Variants in PLA2G4A observed in about 807,000 individuals in gnomAD.
PLA2G4A encodes the protein phospholipase A2 group IVA.
PLA2G4A carries 40 observed loss-of-function variants against 81.9 expected under a neutral mutation model. The ratio of observed to expected loss-of-function variants is 0.49; its 90% CI spans 0.38 to 0.64. PLA2G4A has a LOEUF of 0.64. PLA2G4A is among the 30% of genes least tolerant of loss of function. The pLI is 0.00. For synonymous variants in PLA2G4A, 302 were observed against 296.9 expected (o/e 1.02, Z -0.18); for missense variants, 715 against 905.1 (o/e 0.79, Z 2.69).
Position 186,864,624 on chromosome 1 carries a change from T to C in PLA2G4A, c.34-5811T>C, listed in dbSNP as rs554180902. 8.1e-5 allele frequency among the ~76,000 whole-genome samples: 12 copies of C among 149,066 alleles called. No individual in the cohort carries two copies. In the South Asian group the frequency reaches 2.6e-3, roughly 33 times the overall value. On this transcript the variant is annotated intron_variant, in intron 2 of 17. Transcript: ENST00000367466. The stretch of plus-strand genomic sequence containing the variant: ...CTTTTGAGAAATGTCTATTTAAGTC[T>C]TTTACTTGTTTTAAAAATCAGATTA...
intron 3 of PLA2G4A, among the ~76,000 whole-genome samples, chr1:186,875,480 A>T (rs1024572551): frequency 6.6e-6 from 1 of 152,116 alleles, no homozygotes; most frequent in Admixed American, 6.6e-5. Flanking sequence ...GCCATGAGAA[A>T]ACAAGAACAT....
At chr1:186,923,622 C>A (rs1304210068) in intron 7 of PLA2G4A, among the ~76,000 whole-genome samples, 2 of 152,140 alleles carry the variant, frequency 1.3e-5, no homozygotes, top group African/African-American at 2.4e-5. Flanking sequence ...CTGAGGGATG[C>A]AAGTGATTGC....
rs536333697 is a variant in PLA2G4A, at chr1:186,967,461, A to G, written c.1764+1868A>G. On this transcript the variant is annotated intron_variant, in intron 15 of 17. Coordinates refer to ENST00000367466, the MANE Select transcript of PLA2G4A (RefSeq NM_024420.3). Reference sequence around the variant, plus strand: ...GCCTTCTTTGTGCACACTGTTCATGAACTCTTTTCTGTGTAGTGTGCTGTG... The same window carrying G: ...GCCTTCTTTGTGCACACTGTTCATGGACTCTTTTCTGTGTAGTGTGCTGTG... 1.2e-3 allele frequency among the ~76,000 whole-genome samples: 169 copies of G among 136,722 alleles called. 2 individuals are homozygous for G. The highest frequency in any genetic ancestry group is 2.1e-3 in the Non-Finnish European group (125 of 58,402). 89.7% of individuals were successfully genotyped at this position (136,722 alleles called of 152,430 possible).
chr1:186,886,307 A>G (rs1176396701), intron 3 of PLA2G4A, among the ~76,000 whole-genome samples: 1 of 152,190 alleles, frequency 6.6e-6, no homozygotes, highest in African/African-American at 2.4e-5. Context: ...TGATTAATGC[A>G]AAGTTTATAC....
chr1:186,944,847 T>C (rs555300169), intron 10 of PLA2G4A, among the ~76,000 whole-genome samples: 4 of 152,262 alleles, frequency 2.6e-5, no homozygotes, highest in Non-Finnish European at 1.5e-5. Context: ...CAATAGGATA[T>C]ATAAATATCC....
intron 3 of PLA2G4A, among the ~76,000 whole-genome samples, chr1:186,870,934 T>G (rs1653243721): frequency 6.6e-6 from 1 of 152,298 alleles, no homozygotes; most frequent in South Asian, 2.1e-4. Flanking sequence ...ACCTGGGCCT[T>G]AAATTAGCCG....
At chr1:186,855,702 T>C (rs1438817738) in intron 2 of PLA2G4A, among the ~76,000 whole-genome samples, 1 of 152,064 alleles carries the variant, frequency 6.6e-6, no homozygotes, top group Non-Finnish European at 1.5e-5. Context: ...CACTTTTACA[T>C]TGCCTTGTGG....
intron 3 of PLA2G4A, among the ~76,000 whole-genome samples, chr1:186,874,493 T>C (rs564860293): frequency 1.4e-3 from 209 of 152,220 alleles, no homozygotes; most frequent in Non-Finnish European, 2.2e-3. Flanking sequence ...AATGCCATAG[T>C]GTTTTTTAAG....
intron 2 of PLA2G4A, among the ~76,000 whole-genome samples, chr1:186,869,657 A>G (rs1216419808): frequency 6.6e-6 from 1 of 152,204 alleles, no homozygotes; most frequent in African/African-American, 2.4e-5. Context: ...TCAACCAGTT[A>G]AGCAAGCCTA....
chr1:186,932,202 T>C (rs1171342640), intron 7 of PLA2G4A, among the ~76,000 whole-genome samples: 1 of 152,174 alleles, frequency 6.6e-6, no homozygotes, highest in Non-Finnish European at 1.5e-5. Context: ...ATTGTTATTA[T>C]TAAATAGAGT....
At chr1:186,907,516 G>A (rs1386341879) in intron 6 of PLA2G4A, among the ~76,000 whole-genome samples, 1 of 152,188 alleles carries the variant, frequency 6.6e-6, no homozygotes, top group Non-Finnish European at 1.5e-5. Context: ...GAACGTTAGG[G>A]AATCATGTAC....
At chr1:186,913,063 G>A (rs550361592) in intron 7 of PLA2G4A, among the ~76,000 whole-genome samples, 8 of 124,696 alleles carry the variant, frequency 6.4e-5, no homozygotes, top group African/African-American at 1.4e-4. Flanking sequence ...ATGTGATGGG[G>A]AGAAAAAAGA....
At chr1:186,832,661 T>C (rs1017517288) in intron 1 of PLA2G4A, among the ~76,000 whole-genome samples, 4 of 152,208 alleles carry the variant, frequency 2.6e-5, no homozygotes, top group African/African-American at 9.6e-5. Context: ...GCAATTTTCA[T>C]AGTGGCCACT....
At position 186,939,004 on chromosome 1, in the gene PLA2G4A, A is replaced by G. The variant is rs1357700451; in HGVS notation, c.696-4A>G. The G allele has an allele frequency of 1.4e-6, 2 of 1,452,148 alleles. No homozygotes were observed. The highest frequency in any genetic ancestry group is 1.9e-6 in the Non-Finnish European group (2 of 1,032,764). The allele number at this position is 1,452,148 out of a possible 1,614,324, so 90.0% of individuals were successfully genotyped here. A position where few individuals can be genotyped will look rare whatever the true frequency, so the allele number is the denominator to read the frequency against. On this transcript the variant is annotated splice_polypyrimidine_tract_variant and splice_region_variant and intron_variant, in intron 8 of 17. Coordinates refer to ENST00000367466, the MANE Select transcript of PLA2G4A (RefSeq NM_024420.3). ...TTACTGATTGTGTTTTGTTTTCTGT[A>G]TAGGTATATGTCAACCTTGTATTCT...
chr1:186,896,908 T>C (rs531516080), intron 5 of PLA2G4A, among the ~76,000 whole-genome samples: 2 of 152,066 alleles, frequency 1.3e-5, no homozygotes, highest in African/African-American at 2.4e-5. Context: ...CCTCAGATCA[T>C]GTGGGAGTGC....
intron 4 of PLA2G4A, among the ~76,000 whole-genome samples, chr1:186,893,741 C>A (rs373025843): frequency 2.0e-5 from 3 of 151,888 alleles, no homozygotes; most frequent in Middle Eastern, 3.4e-3. Flanking sequence ...CTGGCCAACA[C>A]GGTGAGACCC....
In PLA2G4A at chr1:186,988,601, C is replaced by G. The variant is rs1657971206; in HGVS notation, c.*93C>G. On this transcript the variant is annotated 3_prime_UTR_variant, in exon 18 of 18. Coordinates refer to ENST00000367466, the MANE Select transcript of PLA2G4A (RefSeq NM_024420.3). ...TAAAAGTACAGTACAGATAGTCGTACTGATCATGAGAGACTGGCTGATACT... is the reference window on the plus strand; with the variant it reads ...TAAAAGTACAGTACAGATAGTCGTAGTGATCATGAGAGACTGGCTGATACT... The G allele has an allele frequency of 6.3e-6, 7 of 1,117,492 alleles. No homozygotes were observed. Among genetic ancestry groups the G allele is most frequent in the African/African-American group, 1.5e-5 (1 of 65,120 alleles). 69.2% of individuals were successfully genotyped at this position (1,117,492 alleles called of 1,614,324 possible). A position where few individuals can be genotyped will look rare whatever the true frequency, so the allele number is the denominator to read the frequency against.
intron 1 of PLA2G4A, among the ~76,000 whole-genome samples, chr1:186,847,445 G>C (rs1035113529): frequency 1.3e-5 from 2 of 151,836 alleles, no homozygotes; most frequent in Non-Finnish European, 2.9e-5. Flanking sequence ...TTTTCTGGGA[G>C]AGGATTTCCC....
rs73053066 is a variant in PLA2G4A at position 186,985,770 on chromosome 1, A to G, written c.2119-2607A>G. ...GGTGGTGAGGCTGGAGAAGGTTGAG[A>G]TATGAGGGCTTTTGCTGGGATAACA... On this transcript the variant is annotated intron_variant, in intron 17 of 17. Transcript: ENST00000367466. Among the ~76,000 whole-genome samples, 849 of 152,228 alleles carry G rather than the reference A, an allele frequency of 5.6e-3. 5 individuals carry two copies. The highest frequency in any genetic ancestry group is 0.019 in the African/African-American group (807 of 41,552).
Sources: gnomAD v4.1 joint callset for allele counts (sites outside exome capture counted in the v4.1 genomes callset) on GRCh38, gnomAD v4.1.1 for gene constraint, MANE v1.5 for transcripts, NCBI Gene and HGNC (gene_info 2026-07-23, HGNC 2026-07-21) for gene names.